NCAM2: variants seen among roughly 807,000 people sequenced by gnomAD.
NCAM2 encodes the protein neural cell adhesion molecule 2.
A neutral mutation model predicts 98.1 loss-of-function variants in NCAM2; 30 were observed. The ratio of observed to expected loss-of-function variants is 0.31; its 90% CI spans 0.23 to 0.41. The LOEUF is 0.41. Ranked by LOEUF, NCAM2 falls within the 10% of genes least tolerant of loss-of-function variation. The pLI is 1.00. For missense variants in NCAM2, 867 were observed against 1,005.8 expected (o/e 0.86, Z 1.87); for synonymous variants, 368 against 342.4 (o/e 1.07, Z -0.83).
At chr21:21,359,667 G>A (rs571906679) in intron 8 of NCAM2, among the ~76,000 whole-genome samples, 1 of 151,930 alleles carries the variant, frequency 6.6e-6, no homozygotes, top group East Asian at 1.9e-4. Flanking sequence ...TTTTAATAAG[G>A]CTTTGCAGCA....
intron 9 of NCAM2, among the ~76,000 whole-genome samples, chr21:21,405,582 G>T (rs1337489090): frequency 6.6e-6 from 1 of 152,084 alleles, no homozygotes; most frequent in Non-Finnish European, 1.5e-5. Flanking sequence ...TTCTTGAGAT[G>T]TCAAATGACA....
At position 21,076,950 on chromosome 21, in the gene NCAM2, C is replaced by G. The variant is rs543613889; in HGVS notation, c.55+78332C>G. Among the ~76,000 whole-genome samples the G allele has an allele frequency of 1.1e-4, 17 of 152,124 alleles. No homozygotes were observed. In the South Asian group the frequency reaches 3.1e-3, roughly 28 times the overall value. On this transcript the variant is annotated intron_variant, in intron 1 of 17. Transcript: ENST00000400546. ...GAGTCTGAGGTGACTGCAACCTTGG[C>G]CCAATTGTTGAGGCTGATTTCTTTC...
intron 16 of NCAM2, among the ~76,000 whole-genome samples, chr21:21,518,712 C>T (rs1257900209): frequency 6.6e-6 from 1 of 151,830 alleles, no homozygotes; most frequent in East Asian, 1.9e-4. Flanking sequence ...TTCTCTTTTG[C>T]CCATCCACTG....
At chr21:21,400,910 A>T (rs2076615171) in intron 9 of NCAM2, among the ~76,000 whole-genome samples, 1 of 152,218 alleles carries the variant, frequency 6.6e-6, no homozygotes, top group South Asian at 2.1e-4. Context: ...AGTAATATGC[A>T]TGTTTATTTT....
intron 15 of NCAM2, among the ~76,000 whole-genome samples, chr21:21,504,433 G>T (rs1987843060): frequency 3.0e-5 from 1 of 33,774 alleles, no homozygotes; most frequent in African/African-American, 1.2e-4. Flanking sequence ...GCTCAGGTTT[G>T]ATTTCCTAAG....
chr21:21,264,808 A>G (rs1024966541), intron 1 of NCAM2, among the ~76,000 whole-genome samples: 2 of 139,200 alleles, frequency 1.4e-5, no homozygotes, highest in African/African-American at 5.2e-5. Context: ...CTATATATAT[A>G]CACACACGTA....
At chr21:21,025,117 G>C (rs9975627) in intron 1 of NCAM2, among the ~76,000 whole-genome samples, 85,661 of 151,080 alleles carry the variant, frequency 0.57, 24,598 homozygotes, top group East Asian at 0.78. Flanking sequence ...ATGGAGTCTC[G>C]CACTGTAGCC....
At chr21:21,245,776 G>A (rs1230940622) in intron 1 of NCAM2, among the ~76,000 whole-genome samples, 1 of 152,108 alleles carries the variant, frequency 6.6e-6, no homozygotes, top group Non-Finnish European at 1.5e-5. Flanking sequence ...TGAGGGAGAG[G>A]AAGTTAGGTG....
chr21:21,379,003 A>G (rs117977197), intron 9 of NCAM2, among the ~76,000 whole-genome samples: 181 of 152,236 alleles, frequency 1.2e-3, no homozygotes, highest in Admixed American at 2.6e-3. Context: ...TAAGGCCATG[A>G]CAATTTATGT....
chr21:21,194,709 T>C (rs923975106), intron 1 of NCAM2, among the ~76,000 whole-genome samples: 7 of 152,142 alleles, frequency 4.6e-5, no homozygotes, highest in Non-Finnish European at 1.0e-4. Flanking sequence ...AAATTTTAAA[T>C]AATTGACAAA....
intron 10 of NCAM2, among the ~76,000 whole-genome samples, chr21:21,417,455 C>T (rs1405374461): frequency 6.6e-6 from 1 of 151,960 alleles, no homozygotes; most frequent in Non-Finnish European, 1.5e-5. Context: ...TTCAATGGGC[C>T]TCAAAATTGC....
chr21:21,474,152 ATTTGG>A (rs138904673), intron 14 of NCAM2, among the ~76,000 whole-genome samples: 3 of 152,064 alleles, frequency 2.0e-5, no homozygotes, highest in Non-Finnish European at 4.4e-5. Context: ...CCAGGGGAGT[ATTTGG>A]TAACACCCAC....
intron 16 of NCAM2, among the ~76,000 whole-genome samples, chr21:21,522,981 T>C (rs572338065): frequency 6.6e-6 from 1 of 152,318 alleles, no homozygotes; most frequent in Non-Finnish European, 1.5e-5. Context: ...GGTCTCCAAA[T>C]CATTTGATCA....
chr21:21,016,372 T>G (rs1029822490), intron 1 of NCAM2, among the ~76,000 whole-genome samples: 2 of 152,210 alleles, frequency 1.3e-5, no homozygotes, highest in Non-Finnish European at 2.9e-5. Flanking sequence ...GTTCTTACAG[T>G]GTACCATATT....
Position 21,403,788 on chromosome 21 carries a change from CAAAT to C in NCAM2, c.1196-6482_1196-6479del, listed in dbSNP as rs571688413. 3.1e-3 allele frequency among the ~76,000 whole-genome samples: 468 copies of C among 151,996 alleles called. 1 individual carries two copies. Among genetic ancestry groups the C allele is most frequent in the Non-Finnish European group, 4.9e-3 (330 of 67,936 alleles). The stretch of plus-strand genomic sequence containing the variant: ...GGTAAATATTAGTTTGAAATCAAAA[CAAAT>C]AAAACCAAAACATAAATAAAATGTT... On this transcript the variant is annotated intron_variant, in intron 9 of 17. Coordinates refer to ENST00000400546, the MANE Select transcript of NCAM2 (RefSeq NM_004540.5).
intron 12 of NCAM2, among the ~76,000 whole-genome samples, chr21:21,432,739 TA>T (rs1323860146): frequency 1.3e-5 from 2 of 152,160 alleles, no homozygotes; most frequent in African/African-American, 2.4e-5. Flanking sequence ...TGTATTTTTA[TA>T]TTTTTTTACT....
At chr21:21,003,980 A>G (rs1256444194) in intron 1 of NCAM2, among the ~76,000 whole-genome samples, 1 of 152,148 alleles carries the variant, frequency 6.6e-6, no homozygotes, top group East Asian at 1.9e-4. Flanking sequence ...TGTATCATGA[A>G]TCCTTTCTAT....
chr21:21,060,273 AAT>A (rs1464920683), intron 1 of NCAM2, among the ~76,000 whole-genome samples: 1 of 152,144 alleles, frequency 6.6e-6, no homozygotes, highest in Non-Finnish European at 1.5e-5. Context: ...CATATGTGAA[AAT>A]AGTCACAATA....
chr21:21,025,391 A>C (rs2064524805), intron 1 of NCAM2, among the ~76,000 whole-genome samples: 1 of 152,108 alleles, frequency 6.6e-6, no homozygotes, highest in African/African-American at 2.4e-5. Flanking sequence ...GGCCATTTTT[A>C]AATGATGTTC....
Sources: gnomAD v4.1 joint callset for allele counts (sites outside exome capture counted in the v4.1 genomes callset) on GRCh38, gnomAD v4.1.1 for gene constraint, MANE v1.5 for transcripts, NCBI Gene and HGNC (gene_info 2026-07-23, HGNC 2026-07-21) for gene names.